Variants in SND1 observed in about 807,000 individuals in gnomAD.
The protein encoded by SND1 is staphylococcal nuclease domain-containing protein 1.
SND1 carries 38 observed loss-of-function variants against 121.7 expected under a neutral mutation model. That is an observed-to-expected ratio of 0.31 (90% CI 0.24 to 0.41). The LOEUF is 0.41. SND1 is among the 10% of genes least tolerant of loss of function. The pLI, the probability that SND1 is intolerant of heterozygous loss-of-function variation, is 1.00. For missense variants in SND1, 868 were observed against 1,184.6 expected, an observed-to-expected ratio of 0.73 and a Z score of 3.92; for synonymous variants, 401 against 447.4, an observed-to-expected ratio of 0.90 and a Z score of 1.31.
At chr7:127,898,511 G>A (rs1800163434) in intron 13 of SND1, among the ~76,000 whole-genome samples, 1 of 152,086 alleles carries the variant, frequency 6.6e-6, no homozygotes, top group South Asian at 2.1e-4. Flanking sequence ...AAAGGCCGAA[G>A]GAATTGTTTA....
At chr7:127,981,864 A>G (rs1376060671) in intron 15 of SND1, among the ~76,000 whole-genome samples, 1 of 152,230 alleles carries the variant, frequency 6.6e-6, no homozygotes, top group Non-Finnish European at 1.5e-5. Context: ...AATAAGTAGT[A>G]CTAGAATTCC....
chr7:127,821,775 A>T (rs910220432), intron 11 of SND1, among the ~76,000 whole-genome samples: 1 of 152,144 alleles, frequency 6.6e-6, no homozygotes, highest in African/African-American at 2.4e-5. Flanking sequence ...ATTTTAAAAA[A>T]TTTTTCTTCT....
intron 15 of SND1, among the ~76,000 whole-genome samples, chr7:127,986,148 A>T (rs184666363): frequency 3.9e-4 from 59 of 152,348 alleles, no homozygotes; most frequent in African/African-American, 1.3e-3. Flanking sequence ...TCAGAGCGAT[A>T]CATAAGTTTC....
intron 15 of SND1, among the ~76,000 whole-genome samples, chr7:127,974,026 C>T (rs1046056252): frequency 1.3e-5 from 2 of 152,198 alleles, no homozygotes; most frequent in Non-Finnish European, 2.9e-5. Flanking sequence ...ACAGTACTGC[C>T]TCTCTGGGAG....
chr7:127,973,996 CAG>C (rs1432612208), intron 15 of SND1, among the ~76,000 whole-genome samples: 1 of 152,212 alleles, frequency 6.6e-6, no homozygotes, highest in Non-Finnish European at 1.5e-5. Context: ...CCCAGCTCTG[CAG>C]AGTCTCAGTA....
chr7:127,698,879 C>A lies in SND1; in HGVS notation c.354C>A (p.Thr118=). The A allele has an allele frequency of 6.2e-7, 1 of 1,613,422 alleles. No individual in the cohort carries two copies. Among genetic ancestry groups the A allele is most frequent in the Non-Finnish European group, 8.5e-7 (1 of 1,179,536 alleles). Residue 118 remains threonine, a synonymous_variant, in exon 4 of 24, where the codon ACC becomes ACA. Coordinates refer to ENST00000354725, the MANE Select transcript of SND1 (RefSeq NM_014390.4). ...EYGMIYLGKD[T]NGENIAESLV... is the part of the protein sequence containing the mutation. ...ATCCCCCCTTTTCCTCCTCAGATAC[C>A]AATGGGGAAAACATTGCAGAATCAC...
At chr7:127,683,305 T>A (rs538868322) in intron 1 of SND1, among the ~76,000 whole-genome samples, 1 of 152,308 alleles carries the variant, frequency 6.6e-6, no homozygotes, top group Admixed American at 6.5e-5. Flanking sequence ...AACCTTGACC[T>A]CCCAGGCTCA....
intron 16 of SND1, among the ~76,000 whole-genome samples, chr7:127,995,279 C>A (rs1342086137): frequency 6.6e-6 from 1 of 152,212 alleles, no homozygotes; most frequent in Non-Finnish European, 1.5e-5. Flanking sequence ...ATTATTGTAT[C>A]TGTTGGCTGT....
intron 12 of SND1, among the ~76,000 whole-genome samples, chr7:127,870,638 C>T (rs1378488838): frequency 6.6e-6 from 1 of 152,020 alleles, no homozygotes; most frequent in Non-Finnish European, 1.5e-5. Context: ...AGAAAAGGTA[C>T]AGTAAAATTA....
chr7:127,712,545 G>T (rs1018162625), intron 9 of SND1, among the ~76,000 whole-genome samples: 8 of 152,140 alleles, frequency 5.3e-5, no homozygotes, highest in South Asian at 4.1e-4. Flanking sequence ...TCCCAATTGA[G>T]ATGCTTGATT....
rs1450075215 is a variant in SND1, at chr7:127,703,194, C to T, written c.711C>T (p.Gly237=). 17 of 1,614,000 alleles carry T rather than the reference C, an allele frequency of 1.1e-5. No individual in the cohort carries two copies. Among genetic ancestry groups the T allele is most frequent in the Non-Finnish European group, 1.4e-5 (16 of 1,180,006 alleles). ...KCPTFRREAD[G]SETPEPFAAE... ...CAACTTTTCGACGGGAAGCAGATGG[C>T]AGTGAAACTCCAGAGCCTTTTGCTG... Residue 237 remains glycine, a synonymous_variant, in exon 7 of 24, where the codon GGC becomes GGT. Coordinates refer to ENST00000354725, the MANE Select transcript of SND1 (RefSeq NM_014390.4).
At chr7:127,694,755 T>G in intron 2 of SND1, 73 bp from the exon 3 acceptor site, 1 of 1,573,524 alleles carries the variant, frequency 6.4e-7, no homozygotes. Context: ...ACTGAAGGTA[T>G]GAAGTTGCTT....
At chr7:127,937,983 T>G (rs1359505627) in intron 15 of SND1, among the ~76,000 whole-genome samples, 2 of 152,278 alleles carry the variant, frequency 1.3e-5, no homozygotes, top group South Asian at 2.1e-4. Context: ...CTGATACTTA[T>G]GAATTCCTTT....
Position 127,703,190 on chromosome 7 carries a change from A to G in SND1, c.707A>G (p.Asp236Gly). ...TGCCCAACTTTTCGACGGGAAGCAG[A>G]TGGCAGTGAAACTCCAGAGCCTTTT... is the stretch of plus-strand genomic sequence containing the variant. ...IKCPTFRREADGSETPEPFAA... is the reference protein window; with the variant it reads ...IKCPTFRREAGGSETPEPFAA... Residue 236 changes from aspartate (D) to glycine (G), a missense_variant, in exon 7 of 24, where the codon GAT (aspartate) becomes GGT (glycine). Asp to Gly is a moderately conservative substitution (Grantham distance 94, BLOSUM62 -1). Transcript: ENST00000354725. 1 of 1,614,126 alleles carries G rather than the reference A, an allele frequency of 6.2e-7. No individual in the cohort carries two copies. Among genetic ancestry groups the G allele is most frequent in the Non-Finnish European group, 8.5e-7 (1 of 1,179,990 alleles).
chr7:127,752,295 T>C (rs1797110046), intron 10 of SND1, among the ~76,000 whole-genome samples: 1 of 152,202 alleles, frequency 6.6e-6, no homozygotes, highest in Non-Finnish European at 1.5e-5. Flanking sequence ...GGTGTGTTGG[T>C]AAACCCTGTG....
chr7:127,885,948 CCT>C (rs1200332892), intron 12 of SND1, among the ~76,000 whole-genome samples: 8 of 152,092 alleles, frequency 5.3e-5, no homozygotes, highest in Non-Finnish European at 1.0e-4. Context: ...ATGGGTGGAG[CCT>C]CTCTTGTTCC....
chr7:128,049,538 G>T (rs752361868), intron 16 of SND1, among the ~76,000 whole-genome samples: 9 of 151,980 alleles, frequency 5.9e-5, no homozygotes, highest in Non-Finnish European at 1.2e-4. Context: ...ACCTCCCCAA[G>T]CACCACCTGT....
intron 16 of SND1, among the ~76,000 whole-genome samples, chr7:128,072,011 G>A (rs989114381): frequency 5.3e-5 from 8 of 152,330 alleles, no homozygotes; most frequent in African/African-American, 1.9e-4. Context: ...GGAGAGCCCG[G>A]CTGCACCCTG....
chr7:127,701,414 C>A, intron 5 of SND1, 91 bp downstream of exon 5: 1 of 1,318,686 alleles, frequency 7.6e-7, no homozygotes, highest in Non-Finnish European at 1.0e-6. Context: ...ATCTAGTAAG[C>A]CTTTCTTATA....
Sources: allele counts gnomAD v4.1 joint callset (sites outside exome capture counted in the v4.1 genomes callset), GRCh38; gene constraint gnomAD v4.1.1; transcripts MANE v1.5; gene names NCBI Gene and HGNC (gene_info 2026-07-23, HGNC 2026-07-21).